ZRANB3: variants seen among roughly 807,000 people sequenced by gnomAD.
ZRANB3 encodes zinc finger RANBP2-type containing 3.
ZRANB3 carries 125 observed loss-of-function variants against 133.8 expected under a neutral mutation model. The observed-to-expected ratio is 0.93, with a 90% CI of 0.81 to 1.08. The LOEUF (loss-of-function observed/expected upper bound fraction) is 1.08. Ranked by LOEUF, ZRANB3 falls within the 50% of genes least tolerant of loss-of-function variation. The pLI is 0.00. For synonymous variants in ZRANB3, 387 were observed against 432.7 expected, an observed-to-expected ratio of 0.89 and a Z score of 1.31; for missense variants, 1,229 against 1,275.5, an observed-to-expected ratio of 0.96 and a Z score of 0.56.
rs553890734 is a variant in ZRANB3, at chr2:135,466,382, CAAAAAAA to C, written c.161+37940_161+37946del. On this transcript the variant is annotated intron_variant, in intron 2 of 20. Transcript: ENST00000264159. ...TGGGCGACAGAGTAAGACTCCGTCA[CAAAAAAA>C]AAAAAAAAAAAAAAAAAAAAATAGA... is the stretch of plus-strand genomic sequence containing the variant. Among the ~76,000 whole-genome samples the C allele has an allele frequency of 3.2e-3, 91 of 28,242 alleles. 1 individual carries two copies. In the East Asian group the frequency reaches 0.091, roughly 28 times the overall value. 18.5% of individuals were successfully genotyped at this position (28,242 alleles called of 152,430 possible).
chr2:135,402,319 G>T, intron 2 of ZRANB3, among the ~76,000 whole-genome samples: 1 of 147,564 alleles, frequency 6.8e-6, no homozygotes, highest in African/African-American at 2.5e-5. Flanking sequence ...TTTTGAGACG[G>T]AGTCTCGCTC....
intron 2 of ZRANB3, among the ~76,000 whole-genome samples, chr2:135,432,472 T>C (rs531622415): frequency 7.2e-4 from 109 of 152,282 alleles, no homozygotes; most frequent in African/African-American, 2.4e-3. Flanking sequence ...AACCCTAATC[T>C]ACAGAGTAAA....
chr2:135,530,417 C>T (rs1158574351), intron 1 of ZRANB3: 4 of 152,076 alleles, frequency 2.6e-5, no homozygotes, highest in African/African-American at 7.2e-5. Flanking sequence ...TTACCCCCAT[C>T]CCATGTCACC....
intron 6 of ZRANB3, among the ~76,000 whole-genome samples, chr2:135,330,478 C>T (rs1558921636): frequency 2.0e-5 from 3 of 152,140 alleles, no homozygotes; most frequent in Non-Finnish European, 4.4e-5. Context: ...AGGATTTTCG[C>T]ATCGATGTTC....
chr2:135,385,641 T>C (rs1176301625), intron 3 of ZRANB3, among the ~76,000 whole-genome samples: 1 of 152,094 alleles, frequency 6.6e-6, no homozygotes, highest in Non-Finnish European at 1.5e-5. Flanking sequence ...AAAACAGATA[T>C]ATTGAGCAAT....
At chr2:135,443,306 T>C (rs1689868243) in intron 2 of ZRANB3, among the ~76,000 whole-genome samples, 1 of 141,850 alleles carries the variant, frequency 7.0e-6, no homozygotes, top group African/African-American at 2.6e-5. Flanking sequence ...TTCTCACTCA[T>C]AAGTGGCAGT....
At chr2:135,429,258 G>C (rs1014095611) in intron 2 of ZRANB3, among the ~76,000 whole-genome samples, 1 of 152,100 alleles carries the variant, frequency 6.6e-6, no homozygotes, top group Admixed American at 6.6e-5. Context: ...CCTAGAGACC[G>C]TTATCCTAAG....
At chr2:135,371,490 G>A (rs918845302) in intron 3 of ZRANB3, among the ~76,000 whole-genome samples, 1 of 152,080 alleles carries the variant, frequency 6.6e-6, no homozygotes, top group Non-Finnish European at 1.5e-5. Flanking sequence ...TTTTCATTTC[G>A]AATTTTGTCT....
In ZRANB3 at chr2:135,236,694, T is replaced by A. The variant is rs558150374; in HGVS notation, c.1540-5767A>T. On this transcript the variant is annotated intron_variant, in intron 12 of 20. Coordinates refer to ENST00000264159, the MANE Select transcript of ZRANB3 (RefSeq NM_032143.4). ...AGAAAAACAAGCAATGGGGAAAGGATTCCCTATTTAATAAATGGTGCTGGG... is the reference window on the plus strand; with the variant it reads ...AGAAAAACAAGCAATGGGGAAAGGAATCCCTATTTAATAAATGGTGCTGGG... Among the ~76,000 whole-genome samples, 7 of 152,268 alleles carry A rather than the reference T, an allele frequency of 4.6e-5. No individual in the cohort carries two copies. The East Asian group carries it at 1.3e-3, about 29-fold the overall frequency.
rs539468520 is a variant in ZRANB3 at position 135,384,816 on chromosome 2, A to C, written c.180+5986T>G. ...CAGCCCTTCATGCTAAAAACTCTCA[A>C]TAAATTGGGTATTGATGGGATGTAT... On this transcript the variant is annotated intron_variant, in intron 3 of 20. Transcript: ENST00000264159. Among the ~76,000 whole-genome samples, 12 of 152,322 alleles carry C rather than the reference A, an allele frequency of 7.9e-5. No individual in the cohort carries two copies. The East Asian group carries it at 2.3e-3, about 29-fold the overall frequency.
intron 3 of ZRANB3, among the ~76,000 whole-genome samples, chr2:135,380,317 T>C (rs1002849710): frequency 7.2e-5 from 11 of 152,190 alleles, no homozygotes; most frequent in African/African-American, 2.4e-4. Context: ...GCGGACCTAA[T>C]AGACATCTAC....
chr2:135,268,421 C>T (rs1426836327), intron 11 of ZRANB3, among the ~76,000 whole-genome samples: 2 of 152,170 alleles, frequency 1.3e-5, no homozygotes, highest in Admixed American at 6.5e-5. Context: ...CCCATCTCGA[C>T]CTCCCAAAGT....
At chr2:135,265,379 A>G (rs1412185787) in intron 12 of ZRANB3, among the ~76,000 whole-genome samples, 155 bp downstream of exon 12, 2 of 152,206 alleles carry the variant, frequency 1.3e-5, no homozygotes, top group African/African-American at 2.4e-5. Flanking sequence ...TTGGAAAACA[A>G]TATTAATTTT....
In ZRANB3 at chr2:135,482,002, T is replaced by C. The variant is rs1236937813; in HGVS notation, c.161+22327A>G. Reference sequence around the variant, plus strand: ...CTCTGTTTTGGTACCAGGACCATGCTGTTTTGGTTACTGTAGCCTTGTAGT... The same window carrying C: ...CTCTGTTTTGGTACCAGGACCATGCCGTTTTGGTTACTGTAGCCTTGTAGT... On this transcript the variant is annotated intron_variant, in intron 2 of 20. Coordinates refer to ENST00000264159, the MANE Select transcript of ZRANB3 (RefSeq NM_032143.4). Among the ~76,000 whole-genome samples, 4 of 135,930 alleles carry C rather than the reference T, an allele frequency of 2.9e-5. 1 individual carries two copies. In the South Asian group the frequency reaches 9.5e-4, roughly 32 times the overall value. 89.2% of individuals were successfully genotyped at this position (135,930 alleles called of 152,430 possible). A position where few individuals can be genotyped will look rare whatever the true frequency, so the allele number is the denominator to read the frequency against.
At chr2:135,345,483 T>C (rs764064480) in intron 6 of ZRANB3, 67 bp downstream of exon 6, 1 of 1,126,780 alleles carries the variant, frequency 8.9e-7, no homozygotes, top group Admixed American at 2.5e-5. Context: ...AAAAAAAGAA[T>C]GATTAATAAA....
rs550100529 is a variant in ZRANB3, at chr2:135,355,272, C to T, written c.181-1644G>A. 14 of 985,304 alleles carry T rather than the reference C, an allele frequency of 1.4e-5. No individual in the cohort carries two copies. In the African/African-American group the frequency reaches 2.4e-4, roughly 17 times the overall value. 61.0% of individuals were successfully genotyped at this position (985,304 alleles called of 1,614,324 possible). On this transcript the variant is annotated intron_variant, in intron 3 of 20. Coordinates refer to ENST00000264159, the MANE Select transcript of ZRANB3 (RefSeq NM_032143.4). ...TATGTTTCCGTGTCTTCAAAGCCCT[C>T]CAATTTTCACACCCGAAGCCACTCA... is the stretch of plus-strand genomic sequence containing the variant.
chr2:135,381,207 C>T (rs1401568866), intron 3 of ZRANB3, among the ~76,000 whole-genome samples: 1 of 152,188 alleles, frequency 6.6e-6, no homozygotes, highest in Non-Finnish European at 1.5e-5. Context: ...GATTATATCC[C>T]ATGCCTGGCT....
rs189824200 is a variant in ZRANB3, at chr2:135,368,263, C to T, written c.181-14635G>A. 2.6e-3 allele frequency among the ~76,000 whole-genome samples: 401 copies of T among 151,796 alleles called. 2 individuals are homozygous for T. The highest frequency in any genetic ancestry group is 5.0e-3 in the Admixed American group (76 of 15,246). ...TGAGAAGGTTATCTAAAAATATCTT[C>T]CTAAGAAAAAAATTTCAAATTGGGT... On this transcript the variant is annotated intron_variant, in intron 3 of 20. Coordinates refer to ENST00000264159, the MANE Select transcript of ZRANB3 (RefSeq NM_032143.4).
At chr2:135,496,384 TAAAAAAAAAAAAAAAA>T (rs56770947) in intron 2 of ZRANB3, among the ~76,000 whole-genome samples, 2 of 33,328 alleles carry the variant, frequency 6.0e-5, no homozygotes, top group East Asian at 2.1e-3. Context: ...AACTCCATCT[TAAAAAAAAAAAAAAAA>T]AAAAAAAAAA....
Sources: allele counts gnomAD v4.1 joint callset (sites outside exome capture counted in the v4.1 genomes callset), GRCh38; gene constraint gnomAD v4.1.1; transcripts MANE v1.5; gene names NCBI Gene and HGNC (gene_info 2026-07-23, HGNC 2026-07-21).